The following HS6ST3 variants were observed in gnomAD, a reference collection of about 807,000 sequenced individuals.
The protein encoded by HS6ST3 is heparan-sulfate 6-O-sulfotransferase 3.
A neutral mutation model predicts 36.7 loss-of-function variants in HS6ST3; 12 were observed. The observed-to-expected ratio is 0.33, with a 90% CI of 0.21 to 0.53. HS6ST3 has a LOEUF of 0.53. HS6ST3 is among the 20% of genes least tolerant of loss of function. HS6ST3 has a pLI of 0.95. For missense variants in HS6ST3, 584 were observed against 640.9 expected, an observed-to-expected ratio of 0.91 and a Z score of 0.96; for synonymous variants, 240 against 257.5, an observed-to-expected ratio of 0.93 and a Z score of 0.65.
chr13:96,136,682 CATATATATATATATATAT>C (rs56247662), intron 1 of HS6ST3, among the ~76,000 whole-genome samples: 4,705 of 130,428 alleles, frequency 0.036, 268 homozygotes, highest in African/African-American at 0.12. Flanking sequence ...TGTTATGAAA[CATATATATATATATATAT>C]ATATATATAT....
At chr13:96,728,108 G>A (rs1185538274) in intron 1 of HS6ST3, among the ~76,000 whole-genome samples, 1 of 152,132 alleles carries the variant, frequency 6.6e-6, no homozygotes, top group Non-Finnish European at 1.5e-5. Flanking sequence ...TTGGCAAAAT[G>A]TACCTTCTCA....
At chr13:96,261,425 G>A (rs1594735910) in intron 1 of HS6ST3, among the ~76,000 whole-genome samples, 1 of 152,068 alleles carries the variant, frequency 6.6e-6, no homozygotes, top group South Asian at 2.1e-4. Flanking sequence ...ATATGGAACT[G>A]TGAATGAAAA....
At position 96,740,555 on chromosome 13, in the gene HS6ST3, G is replaced by A. The variant is rs1425764485; in HGVS notation, c.708-91935G>A. On this transcript the variant is annotated intron_variant, in intron 1 of 1. Coordinates refer to ENST00000376705, the MANE Select transcript of HS6ST3 (RefSeq NM_153456.4). ...TGGAGTAATAGCTTTTGAACCAAGA[G>A]TATGAAGCCTTCCATGCCTATTTGG... Among the ~76,000 whole-genome samples the A allele has an allele frequency of 2.0e-5, 3 of 152,178 alleles. No homozygotes were observed. In the East Asian group the frequency reaches 5.8e-4, roughly 29 times the overall value.
At chr13:96,524,988 G>T (rs1036529696) in intron 1 of HS6ST3, among the ~76,000 whole-genome samples, 1 of 152,172 alleles carries the variant, frequency 6.6e-6, no homozygotes, top group African/African-American at 2.4e-5. Context: ...GGCCATCTTG[G>T]AAGTGACTCC....
chr13:96,269,322 G>A (rs2054708237), intron 1 of HS6ST3, among the ~76,000 whole-genome samples: 1 of 151,884 alleles, frequency 6.6e-6, no homozygotes, highest in Non-Finnish European at 1.5e-5. Context: ...TGAAGTCTTG[G>A]GTTGCATCCC....
chr13:96,444,827 G>T (rs545252986), intron 1 of HS6ST3, among the ~76,000 whole-genome samples: 28 of 152,242 alleles, frequency 1.8e-4, no homozygotes, highest in Admixed American at 9.2e-4. Context: ...GGATTCATCT[G>T]GTAGTTTCTT....
chr13:96,235,150 T>A (rs2054528263), intron 1 of HS6ST3, among the ~76,000 whole-genome samples: 1 of 152,138 alleles, frequency 6.6e-6, no homozygotes, highest in South Asian at 2.1e-4. Context: ...TGATATACAG[T>A]TAAGGAAGAG....
intron 1 of HS6ST3, among the ~76,000 whole-genome samples, chr13:96,538,341 A>G (rs1464287436): frequency 6.6e-6 from 1 of 152,284 alleles, no homozygotes; most frequent in Non-Finnish European, 1.5e-5. Context: ...TATTAATTAT[A>G]GAGATCTAAT....
At chr13:96,619,802 G>A (rs1240597756) in intron 1 of HS6ST3, among the ~76,000 whole-genome samples, 1 of 152,178 alleles carries the variant, frequency 6.6e-6, no homozygotes, top group African/African-American at 2.4e-5. Context: ...ATATTCTACA[G>A]TAATGGCACA....
intron 1 of HS6ST3, among the ~76,000 whole-genome samples, chr13:96,494,430 A>G (rs911429000): frequency 6.6e-6 from 1 of 151,206 alleles, no homozygotes; most frequent in African/African-American, 2.4e-5. Context: ...ATTAGGAGAT[A>G]CACCTAACAT....
chr13:96,100,880 G>T (rs2053814948), intron 1 of HS6ST3, among the ~76,000 whole-genome samples: 1 of 152,142 alleles, frequency 6.6e-6, no homozygotes, highest in Non-Finnish European at 1.5e-5. Flanking sequence ...TCAGTTTATG[G>T]ATGCCCTGTT....
At chr13:96,603,117 G>T (rs1437817928) in intron 1 of HS6ST3, among the ~76,000 whole-genome samples, 1 of 152,082 alleles carries the variant, frequency 6.6e-6, no homozygotes, top group Non-Finnish European at 1.5e-5. Context: ...ATTTTGCTCT[G>T]CCCTTCTCCA....
At chr13:96,498,866 T>C (rs2055990048) in intron 1 of HS6ST3, among the ~76,000 whole-genome samples, 1 of 152,224 alleles carries the variant, frequency 6.6e-6, no homozygotes, top group African/African-American at 2.4e-5. Context: ...TACCTTGTTA[T>C]TGGGAATATT....
intron 1 of HS6ST3, among the ~76,000 whole-genome samples, chr13:96,317,378 A>ATAAT (rs2054980372): frequency 2.0e-5 from 2 of 101,326 alleles, no homozygotes; most frequent in Non-Finnish European, 4.2e-5. Context: ...AAAATTATAT[A>ATAAT]TATATATATA....
intron 1 of HS6ST3, among the ~76,000 whole-genome samples, chr13:96,099,826 G>A (rs1206332404): frequency 6.6e-5 from 10 of 152,142 alleles, no homozygotes; most frequent in Non-Finnish European, 1.2e-4. Context: ...ATATTTAAGC[G>A]TAAACCTGAG....
chr13:96,509,191 T>C (rs1358795395), intron 1 of HS6ST3, among the ~76,000 whole-genome samples: 2 of 152,176 alleles, frequency 1.3e-5, no homozygotes, highest in African/African-American at 4.8e-5. Context: ...GCCCACTTTT[T>C]CATGGGATTA....
At chr13:96,556,727 T>A (rs2056242367) in intron 1 of HS6ST3, among the ~76,000 whole-genome samples, 1 of 152,200 alleles carries the variant, frequency 6.6e-6, no homozygotes, top group Non-Finnish European at 1.5e-5. Flanking sequence ...AGGCAGTTTT[T>A]ATCCTGATTT....
chr13:96,587,029 C>T (rs761103723), intron 1 of HS6ST3, among the ~76,000 whole-genome samples: 2 of 152,124 alleles, frequency 1.3e-5, no homozygotes, highest in Admixed American at 6.6e-5. Context: ...TTTATTTCAG[C>T]AGCATTTATT....
chr13:96,499,763 A>C (rs769259382), intron 1 of HS6ST3, among the ~76,000 whole-genome samples: 28 of 152,068 alleles, frequency 1.8e-4, no homozygotes, highest in Non-Finnish European at 3.4e-4. Context: ...CTGAGTGGGT[A>C]AAGGAGAAGC....
Sources: allele counts gnomAD v4.1 joint callset (sites outside exome capture counted in the v4.1 genomes callset), GRCh38; gene constraint gnomAD v4.1.1; transcripts MANE v1.5; gene names NCBI Gene and HGNC (gene_info 2026-07-23, HGNC 2026-07-21).